NQO2: variants seen among roughly 807,000 people sequenced by gnomAD.
The protein encoded by NQO2 is ribosyldihydronicotinamide dehydrogenase [quinone].
NQO2 carries 18 observed loss-of-function variants against 22.0 expected under a neutral mutation model. The observed-to-expected ratio is 0.82, with a 90% CI of 0.56 to 1.21. NQO2 has a LOEUF of 1.21. Among genes scored for constraint, NQO2 ranks in the 50% most tolerant of loss-of-function variants. NQO2 has a pLI of 0.00. For synonymous variants in NQO2, 106 were observed against 110.8 expected (o/e 0.96, Z 0.28); for missense variants, 267 against 286.9 (o/e 0.93, Z 0.50).
intron 4 of NQO2, among the ~76,000 whole-genome samples, chr6:3,013,016 C>T (rs986877560): frequency 1.7e-5 from 2 of 121,086 alleles, no homozygotes; most frequent in South Asian, 2.7e-4. Context: ...AGTGCAGTGG[C>T]GGGATCTCGG....
chr6:3,008,811 A>G (rs139759823), intron 2 of NQO2, among the ~76,000 whole-genome samples: 5,671 of 152,302 alleles, frequency 0.037, 119 homozygotes, highest in African/African-American at 0.055. Flanking sequence ...TGATGCCCCC[A>G]AGCCGTAAAA....
intron 5 of NQO2, among the ~76,000 whole-genome samples, chr6:3,016,076 G>A (rs930586965): frequency 2.0e-5 from 3 of 152,218 alleles, no homozygotes; most frequent in African/African-American, 7.2e-5. Context: ...GTGGCAGGAT[G>A]AGGAGGGCAT....
intron 1 of NQO2, among the ~76,000 whole-genome samples, chr6:3,001,234 T>C (rs28383595): frequency 0.045 from 6,842 of 151,896 alleles, 251 homozygotes; most frequent in East Asian, 0.21. Context: ...GGATTACAGG[T>C]GCGTGCCACT....
intron 1 of NQO2, among the ~76,000 whole-genome samples, chr6:3,002,640 G>T (rs991367693): frequency 6.6e-6 from 1 of 151,596 alleles, no homozygotes; most frequent in African/African-American, 2.4e-5. Context: ...AGCTTAAGAG[G>T]CTCCAAGGGC....
intron 4 of NQO2, among the ~76,000 whole-genome samples, chr6:3,012,946 CTTTTTTTTTT>C (rs751626888): frequency 4.9e-5 from 3 of 60,704 alleles, no homozygotes; most frequent in Admixed American, 2.0e-4. Context: ...TGTAACACTA[CTTTTTTTTTT>C]TTTTTTTTTT....
At chr6:3,004,820 G>A (rs2113434835) in intron 1 of NQO2, among the ~76,000 whole-genome samples, 1 of 152,196 alleles carries the variant, frequency 6.6e-6, no homozygotes, top group South Asian at 2.1e-4. Flanking sequence ...TTCCTACTGT[G>A]GTACAGAACA....
chr6:3,015,044 G>A (rs996930808), intron 4 of NQO2: 14 of 1,235,076 alleles, frequency 1.1e-5, no homozygotes, highest in Non-Finnish European at 1.5e-5. Flanking sequence ...GGCATCTATG[G>A]GATAGGGAGA....
intron 1 of NQO2, chr6:3,002,427 G>T (rs918155576): frequency 1.2e-5 from 2 of 163,288 alleles, no homozygotes; most frequent in African/African-American, 4.8e-5. Context: ...TCCTGCCTCA[G>T]CCTCCCAAGT....
At chr6:3,010,451 C>T (rs552169564) in intron 3 of NQO2, among the ~76,000 whole-genome samples, 86 of 152,010 alleles carry the variant, frequency 5.7e-4, no homozygotes, top group African/African-American at 1.9e-3. Flanking sequence ...CGACACCCCT[C>T]CCCACAAACT....
chr6:3,016,430 C>CAAAAAA (rs36118697), intron 5 of NQO2, among the ~76,000 whole-genome samples: 9 of 85,696 alleles, frequency 1.1e-4, no homozygotes, highest in African/African-American at 2.9e-4. Flanking sequence ...GACTCTGTCT[C>CAAAAAA]AAAAAAAAAA....
At chr6:3,004,991 C>T (rs1484931746) in intron 1 of NQO2, among the ~76,000 whole-genome samples, 5 of 152,142 alleles carry the variant, frequency 3.3e-5, no homozygotes, top group Admixed American at 6.6e-5. Flanking sequence ...GACGGAGTTT[C>T]GCCATGTTGG....
In NQO2 at chr6:3,012,731, T is replaced by C. The variant is rs1757178966; in HGVS notation, c.303+57T>C. The C allele has an allele frequency of 6.5e-6, 10 of 1,548,618 alleles. No homozygotes were observed. In the East Asian group the frequency reaches 2.3e-4, roughly 35 times the overall value. On this transcript the variant is annotated intron_variant, in intron 4 of 6. Transcript: ENST00000380455. ...AGATTCATCTTATGTACAAACTCTT[T>C]CTGAATATTGAGTTTTGTGCTGCTT...
chr6:3,014,745 C>CATTG (rs1292810634), intron 4 of NQO2, among the ~76,000 whole-genome samples: 7 of 152,208 alleles, frequency 4.6e-5, no homozygotes, highest in African/African-American at 1.4e-4. Context: ...ACTCACTGAG[C>CATTG]ATTGATTCTG....
At chr6:3,010,276 C>A in intron 3 of NQO2, 87 bp downstream of exon 3, 1 of 1,219,928 alleles carries the variant, frequency 8.2e-7, no homozygotes, top group Non-Finnish European at 1.1e-6. Flanking sequence ...TGCAAAATGG[C>A]ATTATAGAAG....
Position 3,006,289 on chromosome 6 carries a change from C to T in NQO2, c.-85-179C>T. On this transcript the variant is annotated intron_variant, in intron 1 of 6. Coordinates refer to ENST00000380455, the MANE Select transcript of NQO2 (RefSeq NM_000904.6). This position sits in a 1 kb window ranked among gnomAD's most constrained non-coding sequence, Gnocchi z 4.0. ...AAAAGGAAAAAAGTATGGGTTTTGA[C>T]ATCCTGCGTGGCTTGTCCTCTGAGG... The T allele has an allele frequency of 1.0e-6, 1 of 976,372 alleles. No homozygotes were observed. The highest frequency in any genetic ancestry group is 1.2e-6 in the Non-Finnish European group (1 of 821,754). 60.5% of individuals were successfully genotyped at this position (976,372 alleles called of 1,614,324 possible). A position where few individuals can be genotyped will look rare whatever the true frequency, so the allele number is the denominator to read the frequency against.
In NQO2 at chr6:3,005,502, A is replaced by G. The variant is rs146234002; in HGVS notation, c.-85-966A>G. ...ATTTCCCTAATGATTAGTGATGCTAAGCATCTTTTCATGGCTTACTGACCA... is the reference window on the plus strand; with the variant it reads ...ATTTCCCTAATGATTAGTGATGCTAGGCATCTTTTCATGGCTTACTGACCA... On this transcript the variant is annotated intron_variant, in intron 1 of 6. Transcript: ENST00000380455. Among the ~76,000 whole-genome samples the G allele has an allele frequency of 3.2e-3, 492 of 152,308 alleles. 4 individuals carry two copies. The highest frequency in any genetic ancestry group is 0.011 in the African/African-American group (461 of 41,558).
chr6:3,015,864 C>T (rs930542155), intron 5 of NQO2, among the ~76,000 whole-genome samples: 1 of 152,214 alleles, frequency 6.6e-6, no homozygotes, highest in African/African-American at 2.4e-5. Context: ...ACATCCACAG[C>T]ATACTACACG....
At position 3,016,962 on chromosome 6, in the gene NQO2, C is replaced by G; in HGVS notation, c.496C>G (p.Arg166Gly). The G allele has an allele frequency of 6.2e-7, 1 of 1,613,990 alleles. No homozygotes were observed. Among genetic ancestry groups the G allele is most frequent in the Non-Finnish European group, 8.5e-7 (1 of 1,179,992 alleles). Reference protein sequence around the residue: ...YTKTGVNGDSRYFLWPLQHGT... With the variant: ...YTKTGVNGDSGYFLWPLQHGT... Reference sequence around the variant, plus strand: ...GAAGACAGGAGTCAATGGAGATTCTCGATACTTCCTGTGGCCACTCCAGGT... The same window carrying G: ...GAAGACAGGAGTCAATGGAGATTCTGGATACTTCCTGTGGCCACTCCAGGT... Residue 166 changes from arginine (R) to glycine (G), a missense_variant, in exon 6 of 7, where the codon CGA (arginine) becomes GGA (glycine). Arg to Gly is a moderately radical substitution (Grantham distance 125). Transcript: ENST00000380455.
At chr6:3,008,540 A>G (rs1757028616) in intron 2 of NQO2, among the ~76,000 whole-genome samples, 1 of 152,228 alleles carries the variant, frequency 6.6e-6, no homozygotes, top group Non-Finnish European at 1.5e-5. Context: ...ACTTGAGGCC[A>G]GGAGTTCAAG....
Sources: gnomAD v4.1 joint callset for allele counts (sites outside exome capture counted in the v4.1 genomes callset) on GRCh38, gnomAD v4.1.1 for gene constraint, Gnocchi (gnomAD v3.1) non-coding constraint, MANE v1.5 for transcripts, NCBI Gene and HGNC (gene_info 2026-07-23, HGNC 2026-07-21) for gene names.